The following ZNF16 variants were observed in gnomAD, a reference collection of about 807,000 sequenced individuals.
The protein encoded by ZNF16 is zinc finger protein 16.
A neutral mutation model predicts 9.0 loss-of-function variants in ZNF16; 7 were observed. The observed-to-expected ratio is 0.78, with a 90% CI of 0.44 to 1.47. ZNF16 has a LOEUF of 1.47. ZNF16 is among the 40% of genes most tolerant of loss of function. The probability of loss-of-function intolerance (pLI) is 0.01; values close to 1 mark genes in which losing one functional copy is unlikely to be tolerated. For missense variants in ZNF16, 830 were observed against 854.2 expected (o/e 0.97, Z 0.35); for synonymous variants, 312 against 301.5 (o/e 1.03, Z -0.36).
intron 2 of ZNF16, among the ~76,000 whole-genome samples, chr8:144,942,789 T>G (rs1833836605): frequency 6.6e-6 from 1 of 152,208 alleles, no homozygotes; most frequent in South Asian, 2.1e-4. Flanking sequence ...ATGCAGACCT[T>G]TTATGCATTT....
intron 2 of ZNF16, among the ~76,000 whole-genome samples, chr8:144,940,040 C>G (rs1220953193): frequency 6.6e-6 from 1 of 152,014 alleles, no homozygotes; most frequent in Non-Finnish European, 1.5e-5. Context: ...CTTTTATAGT[C>G]CTTTAAAAGA....
chr8:144,946,519 CTGTGTCCTGCTGTGGGGCCTG>C (rs1833932859), intron 1 of ZNF16, among the ~76,000 whole-genome samples: 3 of 133,394 alleles, frequency 2.2e-5, no homozygotes, highest in South Asian at 2.3e-4. Context: ...CCCACAGGGT[CTGTGTCCTGCTGTGGGGCCTG>C]TGTACTGCTG....
chr8:144,937,579 C>T (rs1833714338), intron 2 of ZNF16, among the ~76,000 whole-genome samples: 1 of 151,954 alleles, frequency 6.6e-6, no homozygotes, highest in South Asian at 2.1e-4. Context: ...GAAGATTTAC[C>T]CCTACACTTT....
In ZNF16 at chr8:144,932,740, A is replaced by T; in HGVS notation, c.197-150T>A. On this transcript the variant is annotated intron_variant, in intron 2 of 2. Coordinates refer to ENST00000394909, the MANE Select transcript of ZNF16 (RefSeq NM_006958.3). The surrounding 1 kb of genome is among the most constrained non-coding windows in gnomAD (Gnocchi z 5.0). Reference sequence around the variant, plus strand: ...CAGTCCAGATCAGAGGGCATCAGGGAGGGGTGGGAGGAGCACTGGGTGATT... The same window carrying T: ...CAGTCCAGATCAGAGGGCATCAGGGTGGGGTGGGAGGAGCACTGGGTGATT... The T allele has an allele frequency of 2.0e-5, 14 of 690,630 alleles. No homozygotes were observed. The highest frequency in any genetic ancestry group is 3.3e-5 in the Non-Finnish European group (14 of 420,730). The allele number at this position is 690,630 out of a possible 1,614,324, so 42.8% of individuals were successfully genotyped here.
At chr8:144,941,308 T>C (rs939685592) in intron 2 of ZNF16, among the ~76,000 whole-genome samples, 8 of 152,092 alleles carry the variant, frequency 5.3e-5, no homozygotes, top group East Asian at 1.9e-4. Flanking sequence ...CTTTTATAAA[T>C]ACATACTGTC....
At position 144,930,946 on chromosome 8, in the gene ZNF16, G is replaced by C. The variant is rs1402124287; in HGVS notation, c.1841C>G (p.Ser614Ter). The change falls in exon 3 of 3, where the codon TCA (serine) becomes TGA (stop). Residue 614 changes from serine (S) to a stop codon, truncating the protein, a stop_gained. Transcript: ENST00000394909. LOFTEE classifies it high-confidence loss of function. ...GATTATCTGATGCTGAATGAGGTGT[G>C]AGCTCTGGCTGAAGCCCTTACCACA... ...VECGKGFSQS[S>*]HLIQHQIIHT... 6.2e-7 allele frequency: 1 copy of C among 1,613,848 alleles called. No individual in the cohort carries two copies. Among genetic ancestry groups the C allele is most frequent in the Non-Finnish European group, 8.5e-7 (1 of 1,179,854 alleles).
At position 144,932,518 on chromosome 8, in the gene ZNF16, G is replaced by T. The variant is rs767098172; in HGVS notation, c.269C>A (p.Ala90Glu). The change falls in exon 3 of 3, where the codon GCA becomes GAA. Residue 90 changes from alanine (A) to glutamate (E), a missense_variant. Ala to Glu is a moderately radical substitution (Grantham distance 107). Coordinates refer to ENST00000394909, the MANE Select transcript of ZNF16 (RefSeq NM_006958.3). This position sits in a 1 kb window ranked among gnomAD's most constrained non-coding sequence, Gnocchi z 5.0. ...EDIHEDLESQ[A>E]EISENYAGDV... is the part of the protein sequence containing the mutation. ...ACCAGCATAGTTTTCTGATATTTCT[G>T]CCTGTGATTCCAAATCTTCATGAAT... is the stretch of plus-strand genomic sequence containing the variant. 5.5e-5 allele frequency: 88 copies of T among 1,614,074 alleles called. 1 individual carries two copies. The highest frequency in any genetic ancestry group is 2.0e-4 in the East Asian group (9 of 44,898).
intron 1 of ZNF16, among the ~76,000 whole-genome samples, chr8:144,946,635 GTCCTGCTGTT>G (rs1833946938): frequency 8.6e-6 from 1 of 116,554 alleles, no homozygotes; most frequent in African/African-American, 3.6e-5. Context: ...TTGGGCCTGT[GTCCTGCTGTT>G]GGGCCTGTGT....
At chr8:144,937,641 T>C (rs1039831605) in intron 2 of ZNF16, among the ~76,000 whole-genome samples, 2 of 152,116 alleles carry the variant, frequency 1.3e-5, no homozygotes, top group African/African-American at 4.8e-5. Context: ...GTTGATCTAT[T>C]TGGAGTTAAT....
intron 1 of ZNF16, among the ~76,000 whole-genome samples, chr8:144,947,389 C>T (rs548545197): frequency 6.6e-6 from 1 of 151,856 alleles, no homozygotes; most frequent in African/African-American, 2.4e-5. Flanking sequence ...CTGTATCCTG[C>T]TGTGGGCCTG....
chr8:144,930,481 T>C lies in ZNF16; in HGVS notation c.*257A>G, dbSNP rs1833496011. ...GCAGCCTCCATAATCTTCTCCCTTG[T>C]AACAAACGTGCAGTCCGTTCACAAG... On this transcript the variant is annotated 3_prime_UTR_variant, in exon 3 of 3. Coordinates refer to ENST00000394909, the MANE Select transcript of ZNF16 (RefSeq NM_006958.3). 2.4e-6 allele frequency: 1 copy of C among 420,998 alleles called. No homozygotes were observed. Among genetic ancestry groups the C allele is most frequent in the Admixed American group, 3.9e-5 (1 of 25,782 alleles). The allele number at this position is 420,998 out of a possible 1,614,324, so 26.1% of individuals were successfully genotyped here.
chr8:144,943,202 A>G (rs1448448812), intron 2 of ZNF16, among the ~76,000 whole-genome samples: 2 of 152,150 alleles, frequency 1.3e-5, no homozygotes, highest in Non-Finnish European at 2.9e-5. Context: ...ATGGGTTCTG[A>G]TGAAAAACTG....
chr8:144,942,664 A>G (rs1833833158), intron 2 of ZNF16, among the ~76,000 whole-genome samples: 1 of 152,164 alleles, frequency 6.6e-6, no homozygotes, highest in Non-Finnish European at 1.5e-5. Flanking sequence ...AACTGATACC[A>G]GTTTAGTCTC....
intron 2 of ZNF16, among the ~76,000 whole-genome samples, chr8:144,935,173 T>C (rs2130009497): frequency 6.6e-6 from 1 of 151,516 alleles, no homozygotes; most frequent in Admixed American, 6.6e-5. Flanking sequence ...AGAAAGGAAA[T>C]ATAAAATAAA....
At chr8:144,935,997 T>G (rs1448736439) in intron 2 of ZNF16, among the ~76,000 whole-genome samples, 1 of 152,214 alleles carries the variant, frequency 6.6e-6, no homozygotes, top group East Asian at 1.9e-4. Context: ...ACATCTATAA[T>G]GTTATGCAAC....
intron 2 of ZNF16, chr8:144,945,801 AAG>A (rs1833910718): frequency 1.0e-6 from 1 of 966,010 alleles, no homozygotes; most frequent in Admixed American, 3.0e-5. Flanking sequence ...TCTTCGTGTC[AAG>A]TGGGGAAATC....
chr8:144,935,536 T>G (rs1326522959), intron 2 of ZNF16, among the ~76,000 whole-genome samples: 1 of 152,074 alleles, frequency 6.6e-6, no homozygotes, highest in Non-Finnish European at 1.5e-5. Context: ...GTCAGTAAAA[T>G]TTGGGCTTAA....
chr8:144,932,033 GA>G lies in ZNF16; in HGVS notation c.753del (p.Asn254ThrfsTer7). 1.9e-6 allele frequency: 3 copies of G among 1,614,144 alleles called. No homozygotes were observed. The highest frequency in any genetic ancestry group is 2.5e-6 in the Non-Finnish European group (3 of 1,180,026). ...DCGKTFSQNS[V>X]LKNRHRSHMS... is the part of the protein sequence containing the mutation. ...ATATGAGATCGATGACGGTTTTTAA[GA>G]ACTGAGTTCTGGCTGAAGGTTTTCC... is the stretch of plus-strand genomic sequence containing the variant. On this transcript the variant is annotated frameshift_variant, in exon 3 of 3. Transcript: ENST00000394909. LOFTEE classifies it low-confidence loss of function (END_TRUNC). This position sits in a 1 kb window ranked among gnomAD's most constrained non-coding sequence, Gnocchi z 5.0.
In ZNF16 at chr8:144,931,099, T is replaced by G; in HGVS notation, c.1688A>C (p.His563Pro). The change falls in exon 3 of 3, where the codon CAT becomes CCT. Residue 563 changes from histidine (H) to proline (P), a missense_variant. His to Pro is a moderately conservative substitution (Grantham distance 77). Coordinates refer to ENST00000394909, the MANE Select transcript of ZNF16 (RefSeq NM_006958.3). ...CTTCAGCCCATTATGAATCCTCTGA[T>G]GCTGAATGAGGGTTGAGCTCTGGCT... Reference protein sequence around the residue: ...TFSQSSTLIQHQRIHNGLKPH... With the variant: ...TFSQSSTLIQPQRIHNGLKPH... The G allele has an allele frequency of 6.2e-7, 1 of 1,614,260 alleles. No individual in the cohort carries two copies. Among genetic ancestry groups the G allele is most frequent in the Non-Finnish European group, 8.5e-7 (1 of 1,180,042 alleles).
Sources: allele counts gnomAD v4.1 joint callset (sites outside exome capture counted in the v4.1 genomes callset), GRCh38; gene constraint gnomAD v4.1.1; non-coding constraint Gnocchi (gnomAD v3.1); transcripts MANE v1.5; gene names NCBI Gene and HGNC (gene_info 2026-07-23, HGNC 2026-07-21).